Variants in RIMBP2 observed in about 807,000 individuals in gnomAD.
RIMBP2 encodes RIMS-binding protein 2.
In RIMBP2, 48 loss-of-function variants were observed where a neutral mutation model predicts 118.6. The observed-to-expected ratio is 0.40, with a 90% CI of 0.32 to 0.51. RIMBP2 has a LOEUF of 0.51. Among genes scored for constraint, RIMBP2 ranks in the 20% least tolerant of loss-of-function variants. The pLI is 0.41. For missense variants in RIMBP2, 1,551 were observed against 1,768.3 expected, an observed-to-expected ratio of 0.88 and a Z score of 2.20; for synonymous variants, 762 against 742.9, an observed-to-expected ratio of 1.03 and a Z score of -0.42.
intron 2 of RIMBP2, among the ~76,000 whole-genome samples, chr12:130,542,211 A>C (rs1238240495): frequency 1.4e-5 from 2 of 146,824 alleles, no homozygotes; most frequent in Admixed American, 1.6e-4. Flanking sequence ...AATGATGTGA[A>C]AGAATGGCAG....
At chr12:130,603,853 G>C (rs546329728) in intron 2 of RIMBP2, among the ~76,000 whole-genome samples, 1 of 152,334 alleles carries the variant, frequency 6.6e-6, no homozygotes, top group South Asian at 2.1e-4. Flanking sequence ...CATCATGCTT[G>C]ATACGTGATA....
rs533746281 is a variant in RIMBP2, at chr12:130,699,491, C to T, written c.-352+16731G>A. On this transcript the variant is annotated intron_variant, in intron 1 of 22. Coordinates refer to ENST00000690449, the MANE Select transcript of RIMBP2 (RefSeq NM_001393629.1). Reference sequence around the variant, plus strand: ...ACTATTGCAAGGACAAAAAACCAAACGCCGCATGTTCTCACTCATAGGTGG... The same window carrying T: ...ACTATTGCAAGGACAAAAAACCAAATGCCGCATGTTCTCACTCATAGGTGG... Among the ~76,000 whole-genome samples, 14 of 149,302 alleles carry T rather than the reference C, an allele frequency of 9.4e-5. No homozygotes were observed. In the East Asian group the frequency reaches 1.4e-3, roughly 15 times the overall value.
chr12:130,681,777 C>T (rs2064798498), intron 1 of RIMBP2, among the ~76,000 whole-genome samples: 1 of 152,286 alleles, frequency 6.6e-6, no homozygotes, highest in South Asian at 2.1e-4. Flanking sequence ...TCACTACAAC[C>T]TCCACCTTCT....
chr12:130,586,809 A>G (rs2058915625), intron 2 of RIMBP2, among the ~76,000 whole-genome samples: 1 of 102,604 alleles, frequency 9.7e-6, no homozygotes, highest in East Asian at 2.7e-4. Context: ...AATGGCAACA[A>G]AAGCCAAAAT....
intron 1 of RIMBP2, among the ~76,000 whole-genome samples, chr12:130,696,154 G>A (rs1000556851): frequency 3.9e-5 from 6 of 152,180 alleles, no homozygotes; most frequent in African/African-American, 1.4e-4. Context: ...CCAGCCAGCA[G>A]GCTGACGTGT....
At chr12:130,636,190 A>G (rs999623318) in intron 1 of RIMBP2, among the ~76,000 whole-genome samples, 2 of 152,154 alleles carry the variant, frequency 1.3e-5, no homozygotes, top group African/African-American at 2.4e-5. Context: ...TTGTCCCGAC[A>G]TGGCTGGCTC....
At chr12:130,632,372 T>C (rs928235035) in intron 1 of RIMBP2, among the ~76,000 whole-genome samples, 1 of 151,836 alleles carries the variant, frequency 6.6e-6, no homozygotes, top group Non-Finnish European at 1.5e-5. Context: ...GAAGTCACGA[T>C]AATCTGCAAG....
In RIMBP2 at chr12:130,525,894, A is replaced by G. The variant is rs1328417330; in HGVS notation, c.-216-7977T>C. 6.6e-6 allele frequency among the ~76,000 whole-genome samples: 1 copy of G among 152,112 alleles called. No individual in the cohort carries two copies. The highest frequency in any genetic ancestry group is 1.5e-5 in the Non-Finnish European group (1 of 68,018). On this transcript the variant is annotated intron_variant, in intron 2 of 22. Coordinates refer to ENST00000690449, the MANE Select transcript of RIMBP2 (RefSeq NM_001393629.1). This position sits in a 1 kb window ranked among gnomAD's most constrained non-coding sequence, Gnocchi z 4.4. ...TGTCAAGGGAAGAAATTCAAGCTCA[A>G]GGAGGTTAAGTAACTGAGCGAGCAG...
chr12:130,502,764 C>T (rs955470690), intron 4 of RIMBP2, among the ~76,000 whole-genome samples: 14 of 152,224 alleles, frequency 9.2e-5, no homozygotes, highest in African/African-American at 3.4e-4. Context: ...TGCTATACCC[C>T]TGGTGCCTGC....
At chr12:130,711,922 G>A (rs1440211641) in intron 1 of RIMBP2, among the ~76,000 whole-genome samples, 1 of 152,276 alleles carries the variant, frequency 6.6e-6, no homozygotes, top group Non-Finnish European at 1.5e-5. Flanking sequence ...ATTGCTTCCG[G>A]TTTCACAGCT....
intron 5 of RIMBP2, among the ~76,000 whole-genome samples, 190 bp from the exon 6 acceptor site, chr12:130,470,933 T>C (rs1346471244): frequency 6.6e-6 from 1 of 152,230 alleles, no homozygotes; most frequent in African/African-American, 2.4e-5. Flanking sequence ...AGGTTTGCTG[T>C]ACAGATAAAT....
At chr12:130,571,878 G>A (rs1040052084) in intron 2 of RIMBP2, among the ~76,000 whole-genome samples, 8 of 152,050 alleles carry the variant, frequency 5.3e-5, no homozygotes, top group Admixed American at 2.6e-4. Context: ...AGCCCACCTC[G>A]GGGCTGTACA....
At chr12:130,678,937 G>C (rs2064637563) in intron 1 of RIMBP2, among the ~76,000 whole-genome samples, 1 of 152,234 alleles carries the variant, frequency 6.6e-6, no homozygotes. Flanking sequence ...AGAGGGGACA[G>C]GGTTTGCTTT....
chr12:130,565,011 T>C lies in RIMBP2; in HGVS notation c.-216-47094A>G, dbSNP rs73156931. On this transcript the variant is annotated intron_variant, in intron 2 of 22. Transcript: ENST00000690449. ...CCAAACTCAAACTGTATAAATTAATTATGTACAGTTTTTGGTATCCAATTA... is the reference window on the plus strand; with the variant it reads ...CCAAACTCAAACTGTATAAATTAATCATGTACAGTTTTTGGTATCCAATTA... Among the ~76,000 whole-genome samples the C allele has an allele frequency of 2.2e-3, 338 of 152,314 alleles. 1 individual carries two copies. In the Middle Eastern group the frequency reaches 0.037, roughly 17 times the overall value.
At chr12:130,467,840 C>T (rs1183333834) in intron 6 of RIMBP2, among the ~76,000 whole-genome samples, 1 of 152,196 alleles carries the variant, frequency 6.6e-6, no homozygotes, top group Non-Finnish European at 1.5e-5. Flanking sequence ...TCATCAAGAC[C>T]TCCCGAGGCT....
intron 4 of RIMBP2, among the ~76,000 whole-genome samples, chr12:130,480,502 C>T (rs1421724252): frequency 1.3e-5 from 2 of 152,210 alleles, no homozygotes; most frequent in African/African-American, 4.8e-5. Flanking sequence ...CATGGGGGAC[C>T]CACACGCCTT....
intron 1 of RIMBP2, among the ~76,000 whole-genome samples, chr12:130,650,350 G>A (rs1347263706): frequency 1.3e-5 from 2 of 152,212 alleles, no homozygotes; most frequent in Non-Finnish European, 2.9e-5. Flanking sequence ...CCCAGCCTGG[G>A]GCTCTAAATA....
intron 2 of RIMBP2, among the ~76,000 whole-genome samples, chr12:130,545,452 T>C (rs1187444851): frequency 6.6e-6 from 1 of 152,252 alleles, no homozygotes; most frequent in Non-Finnish European, 1.5e-5. Context: ...TTAATTTATA[T>C]TGATTTCCTT....
intron 19 of RIMBP2, among the ~76,000 whole-genome samples, chr12:130,408,440 C>T (rs757846595): frequency 2.0e-5 from 3 of 152,204 alleles, no homozygotes; most frequent in Non-Finnish European, 4.4e-5. Context: ...GAGAAGATCC[C>T]AGCTCTGCAC....
Sources: gnomAD v4.1 joint callset for allele counts (sites outside exome capture counted in the v4.1 genomes callset) on GRCh38, gnomAD v4.1.1 for gene constraint, Gnocchi (gnomAD v3.1) non-coding constraint, MANE v1.5 for transcripts, NCBI Gene and HGNC (gene_info 2026-07-23, HGNC 2026-07-21) for gene names.